The following GABRG3 variants were observed in gnomAD, a reference collection of about 807,000 sequenced individuals.
GABRG3 encodes gamma-aminobutyric acid receptor subunit gamma-3.
Under a neutral mutation model 48.8 loss-of-function variants are expected in GABRG3, and 25 were observed. The ratio of observed to expected loss-of-function variants is 0.51; its 90% confidence interval spans 0.37 to 0.72. The LOEUF (loss-of-function observed/expected upper bound fraction) is 0.72, where lower values mean the gene tolerates loss of function less well. Among genes scored for constraint, GABRG3 ranks in the 30% least tolerant of loss-of-function variants. The probability of loss-of-function intolerance (pLI) is 0.00; values close to 1 mark genes in which losing one functional copy is unlikely to be tolerated. For synonymous variants in GABRG3, 227 were observed against 217.6 expected, an observed-to-expected ratio of 1.04 and a Z score of -0.38; for missense variants, 394 against 577.9, an observed-to-expected ratio of 0.68 and a Z score of 3.26.
intron 5 of GABRG3, among the ~76,000 whole-genome samples, chr15:27,356,897 AG>A: frequency 6.6e-6 from 1 of 152,352 alleles, no homozygotes; most frequent in Admixed American, 6.5e-5. Flanking sequence ...TAATGTCTGC[AG>A]GTAAGCAATG....
At chr15:27,324,307 A>G (rs1455738497) in intron 3 of GABRG3, among the ~76,000 whole-genome samples, 2 of 152,010 alleles carry the variant, frequency 1.3e-5, no homozygotes, top group African/African-American at 4.8e-5. Flanking sequence ...GACCTATCTG[A>G]TCTCCCTCCT....
At chr15:26,995,239 G>A (rs917545569) in intron 2 of GABRG3, among the ~76,000 whole-genome samples, 25 of 151,910 alleles carry the variant, frequency 1.6e-4, no homozygotes, top group African/African-American at 6.0e-4. Context: ...AGTTTAAGGT[G>A]TATTTTATCT....
intron 3 of GABRG3, among the ~76,000 whole-genome samples, chr15:27,119,510 T>A (rs182028412): frequency 1.6e-3 from 241 of 152,230 alleles, no homozygotes; most frequent in African/African-American, 5.6e-3. Flanking sequence ...GGGAGCACAG[T>A]GGTGTAAAGC....
At chr15:27,498,474 G>A (rs1890538714) in intron 6 of GABRG3, among the ~76,000 whole-genome samples, 1 of 151,976 alleles carries the variant, frequency 6.6e-6, no homozygotes, top group Admixed American at 6.6e-5. Context: ...TCCATTAGAT[G>A]TGGGTTCATC....
intron 3 of GABRG3, among the ~76,000 whole-genome samples, chr15:27,243,617 T>C (rs936629132): frequency 4.6e-5 from 7 of 152,202 alleles, no homozygotes; most frequent in African/African-American, 1.7e-4. Flanking sequence ...GGCTGACTGT[T>C]TGCAGAGTTT....
chr15:27,507,331 C>G (rs893525507), intron 6 of GABRG3, among the ~76,000 whole-genome samples: 2 of 151,932 alleles, frequency 1.3e-5, no homozygotes, highest in African/African-American at 4.8e-5. Flanking sequence ...TGGTGAAACC[C>G]CATATCTACT....
intron 3 of GABRG3, among the ~76,000 whole-genome samples, chr15:27,057,995 A>G (rs954211624): frequency 3.9e-5 from 6 of 152,110 alleles, no homozygotes; most frequent in Non-Finnish European, 2.9e-5. Flanking sequence ...GGCGGCTTGT[A>G]TACTCACTCT....
intron 3 of GABRG3, among the ~76,000 whole-genome samples, chr15:27,148,695 A>G (rs1431419855): frequency 1.3e-5 from 2 of 152,064 alleles, no homozygotes; most frequent in Non-Finnish European, 1.5e-5. Flanking sequence ...ATGGTTCAAC[A>G]TAAAAAAATC....
chr15:27,357,253 T>C lies in GABRG3; in HGVS notation c.574+28365T>C, dbSNP rs113797256. 4.8e-3 allele frequency among the ~76,000 whole-genome samples: 736 copies of C among 152,276 alleles called. 5 individuals carry two copies. Among genetic ancestry groups the C allele is most frequent in the African/African-American group, 0.017 (702 of 41,550 alleles). On this transcript the variant is annotated intron_variant, in intron 5 of 9. Coordinates refer to ENST00000615808, the MANE Select transcript of GABRG3 (RefSeq NM_033223.5). ...TGCCAGTGGAACCATTCCTAGTGAG[T>C]AACTGAATTTCTTAAGATCCACTGA... is the stretch of plus-strand genomic sequence containing the variant.
At chr15:27,000,565 A>C (rs550876145) in intron 2 of GABRG3, among the ~76,000 whole-genome samples, 46 of 152,270 alleles carry the variant, frequency 3.0e-4, no homozygotes, top group African/African-American at 1.1e-3. Flanking sequence ...CACTATCCCC[A>C]TTTGTACTGC....
chr15:27,227,723 T>TA (rs1889669469), intron 3 of GABRG3, among the ~76,000 whole-genome samples: 1 of 152,036 alleles, frequency 6.6e-6, no homozygotes, highest in African/African-American at 2.4e-5. Context: ...AATTTTTTTT[T>TA]ATCTACAAAA....
At chr15:27,298,135 A>G (rs139065234) in intron 3 of GABRG3, among the ~76,000 whole-genome samples, 121 of 152,300 alleles carry the variant, frequency 7.9e-4, no homozygotes, top group Middle Eastern at 6.8e-3. Flanking sequence ...AACAAATGTG[A>G]ATGAATTAAA....
rs535789922 is a variant in GABRG3, at chr15:27,521,853, G to A, written c.865+1729G>A. Reference sequence around the variant, plus strand: ...AAAGATTAAAAAGAAAGAAGTCCCAGTGACCTGTGATACAATATGAATATG... The same window carrying A: ...AAAGATTAAAAAGAAAGAAGTCCCAATGACCTGTGATACAATATGAATATG... On this transcript the variant is annotated intron_variant, in intron 7 of 9. Transcript: ENST00000615808. Among the ~76,000 whole-genome samples, 4 of 152,106 alleles carry A rather than the reference G, an allele frequency of 2.6e-5. No individual in the cohort carries two copies. In the South Asian group the frequency reaches 8.3e-4, roughly 32 times the overall value.
chr15:27,465,927 G>T (rs1889595445), intron 5 of GABRG3, among the ~76,000 whole-genome samples: 1 of 152,194 alleles, frequency 6.6e-6, no homozygotes, highest in Admixed American at 6.5e-5. Context: ...CCACTGAACT[G>T]ATTCTAAAGA....
chr15:27,045,911 G>A (rs1595491451), intron 3 of GABRG3, among the ~76,000 whole-genome samples: 1 of 152,106 alleles, frequency 6.6e-6, no homozygotes, highest in Non-Finnish European at 1.5e-5. Context: ...AATGCATGGA[G>A]AAACACTGGC....
intron 3 of GABRG3, among the ~76,000 whole-genome samples, chr15:27,308,226 G>A (rs1328480219): frequency 1.7e-5 from 2 of 118,108 alleles, no homozygotes; most frequent in Admixed American, 1.7e-4. Flanking sequence ...ATATAAACAT[G>A]TTTATATATC....
At chr15:27,355,731 C>A (rs775267391) in intron 5 of GABRG3, among the ~76,000 whole-genome samples, 1 of 152,132 alleles carries the variant, frequency 6.6e-6, no homozygotes, top group Non-Finnish European at 1.5e-5. Flanking sequence ...AGATGTCTAT[C>A]GCTAATGAAT....
chr15:27,176,049 A>G (rs996325645), intron 3 of GABRG3, among the ~76,000 whole-genome samples: 7 of 152,142 alleles, frequency 4.6e-5, no homozygotes, highest in African/African-American at 1.7e-4. Context: ...AAAAGAAAGA[A>G]AAAAGAAAAC....
intron 6 of GABRG3, among the ~76,000 whole-genome samples, chr15:27,495,274 C>T (rs1320586532): frequency 1.3e-5 from 2 of 152,166 alleles, no homozygotes; most frequent in Admixed American, 6.5e-5. Context: ...GGATGTTCAT[C>T]CACGTTGTAG....
Sources: allele counts gnomAD v4.1 joint callset (sites outside exome capture counted in the v4.1 genomes callset), GRCh38; gene constraint gnomAD v4.1.1; transcripts MANE v1.5; gene names NCBI Gene and HGNC (gene_info 2026-07-23, HGNC 2026-07-21).